PTPRK: variants seen among roughly 807,000 people sequenced by gnomAD.
PTPRK encodes the protein protein tyrosine phosphatase receptor type K, also known as receptor-type tyrosine-protein phosphatase kappa.
A neutral mutation model predicts 178.0 loss-of-function variants in PTPRK; 75 were observed. The ratio of observed to expected loss-of-function variants is 0.42; its 90% CI spans 0.35 to 0.51. The LOEUF (loss-of-function observed/expected upper bound fraction) is 0.51, where lower values mean the gene tolerates loss of function less well. Among genes scored for constraint, PTPRK ranks in the 20% least tolerant of loss-of-function variants. The pLI, the probability that PTPRK is intolerant of heterozygous loss-of-function variation, is 0.02. For missense variants in PTPRK, 1,441 were observed against 1,797.8 expected (o/e 0.80, Z 3.59); for synonymous variants, 637 against 620.6 (o/e 1.03, Z -0.39).
At chr6:128,239,706 ATAT>A (rs1057181530) in intron 5 of PTPRK, among the ~76,000 whole-genome samples, 1 of 152,230 alleles carries the variant, frequency 6.6e-6, no homozygotes, top group African/African-American at 2.4e-5. Context: ...AGTTTTAAAA[ATAT>A]TATTAAATAA....
intron 2 of PTPRK, among the ~76,000 whole-genome samples, chr6:128,356,187 TCTC>T (rs1833937311): frequency 6.6e-6 from 1 of 152,046 alleles, no homozygotes; most frequent in African/African-American, 2.4e-5. Flanking sequence ...AAACCCCTCT[TCTC>T]CTGTTTCTTT....
chr6:128,411,518 A>G (rs151076796), intron 1 of PTPRK, among the ~76,000 whole-genome samples: 3 of 152,180 alleles, frequency 2.0e-5, no homozygotes, highest in African/African-American at 7.2e-5. Flanking sequence ...TATTCTCTAC[A>G]TATTGACAGC....
intron 13 of PTPRK, among the ~76,000 whole-genome samples, chr6:128,020,549 T>C (rs983471423): frequency 6.6e-6 from 1 of 152,094 alleles, no homozygotes. Flanking sequence ...AAAAGGCAAA[T>C]GCACTTGACA....
In PTPRK at chr6:128,015,715, A is replaced by G. The variant is rs116679817; in HGVS notation, c.2195-6447T>C. Among the ~76,000 whole-genome samples, 273 of 151,860 alleles carry G rather than the reference A, an allele frequency of 1.8e-3. 1 individual carries two copies. The highest frequency in any genetic ancestry group is 6.2e-3 in the African/African-American group (258 of 41,504). On this transcript the variant is annotated intron_variant, in intron 13 of 29. Transcript: ENST00000368226. ...TCATTCATATACTCTTATCATTAAA[A>G]TCCTTTCACCATTTCTCAAATACTC...
intron 3 of PTPRK, among the ~76,000 whole-genome samples, chr6:128,274,908 T>C (rs1820475330): frequency 6.6e-6 from 1 of 152,062 alleles, no homozygotes; most frequent in South Asian, 2.1e-4. Context: ...TGGTGAGGTC[T>C]GATAACTAAA....
intron 1 of PTPRK, among the ~76,000 whole-genome samples, chr6:128,462,051 A>T (rs984698965): frequency 6.6e-6 from 1 of 151,846 alleles, no homozygotes; most frequent in Non-Finnish European, 1.5e-5. Flanking sequence ...CTATACTCCA[A>T]CTCCTGCGCT....
At chr6:128,070,177 T>C (rs1363318511) in intron 11 of PTPRK, among the ~76,000 whole-genome samples, 1 of 152,062 alleles carries the variant, frequency 6.6e-6, no homozygotes, top group Non-Finnish European at 1.5e-5. Flanking sequence ...TGAATGGTCA[T>C]TACAGAAATG....
intron 7 of PTPRK, 60 bp from the exon 8 acceptor site, chr6:128,090,052 A>C (rs1582956502): frequency 1.5e-6 from 2 of 1,327,916 alleles, no homozygotes; most frequent in Non-Finnish European, 2.1e-6. Context: ...ATCCTGGAAA[A>C]ATAAAACACC....
intron 2 of PTPRK, among the ~76,000 whole-genome samples, chr6:128,333,949 T>C (rs1228865131): frequency 1.3e-5 from 2 of 152,140 alleles, no homozygotes; most frequent in Non-Finnish European, 2.9e-5. Context: ...AGGGCCACCG[T>C]AGGGTTACTA....
At chr6:128,332,505 C>T (rs1174410987) in intron 2 of PTPRK, among the ~76,000 whole-genome samples, 1 of 152,216 alleles carries the variant, frequency 6.6e-6, no homozygotes, top group Admixed American at 6.5e-5. Flanking sequence ...GGCACACTGA[C>T]GAGAGGAATA....
chr6:128,445,219 T>A (rs1036934065), intron 1 of PTPRK, among the ~76,000 whole-genome samples: 13 of 139,882 alleles, frequency 9.3e-5, no homozygotes, highest in East Asian at 8.0e-4. Context: ...TATATATATA[T>A]AATTTATATA....
intron 1 of PTPRK, among the ~76,000 whole-genome samples, chr6:128,482,599 C>A (rs534523600): frequency 1.3e-5 from 2 of 152,232 alleles, no homozygotes; most frequent in South Asian, 4.1e-4. Context: ...GAGAAGTTAA[C>A]TCAAAGTAGT....
At chr6:127,980,972 T>TC in intron 25 of PTPRK, 144 bp downstream of exon 25, 1 of 770,368 alleles carries the variant, frequency 1.3e-6, no homozygotes, top group South Asian at 2.5e-5. Flanking sequence ...AAAATCATTT[T>TC]CCAAAAAAAT....
intron 7 of PTPRK, among the ~76,000 whole-genome samples, chr6:128,114,498 T>C (rs937377209): frequency 2.6e-5 from 4 of 151,446 alleles, no homozygotes; most frequent in Non-Finnish European, 2.9e-5. Context: ...CATGCACTTG[T>C]AATCCCAGCT....
At chr6:128,122,027 C>T (rs1443686939) in intron 7 of PTPRK, among the ~76,000 whole-genome samples, 1 of 151,978 alleles carries the variant, frequency 6.6e-6, no homozygotes, top group Non-Finnish European at 1.5e-5. Context: ...TGCTGTTGGC[C>T]AGGAATATGA....
At chr6:128,466,102 T>C (rs1849812130) in intron 1 of PTPRK, among the ~76,000 whole-genome samples, 1 of 152,210 alleles carries the variant, frequency 6.6e-6, no homozygotes, top group Admixed American at 6.5e-5. Flanking sequence ...TACTATGACT[T>C]GTTACTCAGT....
intron 6 of PTPRK, among the ~76,000 whole-genome samples, chr6:128,197,748 G>T (rs983947597): frequency 6.6e-6 from 1 of 151,672 alleles, no homozygotes; most frequent in East Asian, 1.9e-4. Flanking sequence ...TGACTATTAC[G>T]GTAGACAACA....
At chr6:128,187,202 G>C (rs1416111904) in intron 6 of PTPRK, among the ~76,000 whole-genome samples, 1 of 152,002 alleles carries the variant, frequency 6.6e-6, no homozygotes, top group African/African-American at 2.4e-5. Flanking sequence ...GAAAACCTAA[G>C]AGGAGAGCAA....
chr6:128,053,867 T>C (rs1265225843), intron 13 of PTPRK, among the ~76,000 whole-genome samples: 1 of 151,994 alleles, frequency 6.6e-6, no homozygotes. Flanking sequence ...GGTTGTGAGA[T>C]GAATTTTTAA....
Sources: allele counts gnomAD v4.1 joint callset (sites outside exome capture counted in the v4.1 genomes callset), GRCh38; gene constraint gnomAD v4.1.1; transcripts MANE v1.5; gene names NCBI Gene and HGNC (gene_info 2026-07-23, HGNC 2026-07-21).